Variants in TSHZ2 observed in about 807,000 individuals in gnomAD.
TSHZ2 encodes teashirt zinc finger homeobox 2, also known as teashirt homolog 2.
In TSHZ2, 21 loss-of-function variants were observed where a neutral mutation model predicts 74.4. The ratio of observed to expected loss-of-function variants is 0.28; its 90% CI spans 0.20 to 0.41. The LOEUF (loss-of-function observed/expected upper bound fraction) is 0.41. TSHZ2 is among the 10% of genes least tolerant of loss of function. The probability of loss-of-function intolerance (pLI) is 1.00; values close to 1 mark genes in which losing one functional copy is unlikely to be tolerated. For missense variants in TSHZ2, 1,244 were observed against 1,293.5 expected (o/e 0.96, Z 0.59); for synonymous variants, 540 against 515.3 (o/e 1.05, Z -0.65).
intron 2 of TSHZ2, among the ~76,000 whole-genome samples, chr20:53,361,751 A>AGTC (rs1981061398): frequency 6.6e-6 from 1 of 152,320 alleles, no homozygotes; most frequent in African/African-American, 2.4e-5. Flanking sequence ...TGCACAAGAC[A>AGTC]GTCCCACACC....
In TSHZ2 at chr20:53,145,597, G is replaced by C. The variant is rs1026538958; in HGVS notation, c.41-107902G>C. Among the ~76,000 whole-genome samples, 18 of 152,320 alleles carry C rather than the reference G, an allele frequency of 1.2e-4. No individual in the cohort carries two copies. The South Asian group carries it at 1.5e-3, about 12-fold the overall frequency. ...CCTTGTGCTGGGGAATTCTAGAAGA[G>C]AGTGTAGAACACACACCTCAGAGTT... On this transcript the variant is annotated intron_variant, in intron 1 of 2. Coordinates refer to ENST00000371497, the MANE Select transcript of TSHZ2 (RefSeq NM_173485.6).
intron 2 of TSHZ2, among the ~76,000 whole-genome samples, chr20:53,463,849 C>T (rs1001401587): frequency 1.3e-5 from 2 of 152,222 alleles, no homozygotes; most frequent in African/African-American, 4.8e-5. Flanking sequence ...AGTTGCTTAA[C>T]ATCTCTGAGC....
At chr20:53,151,090 C>A (rs1382246980) in intron 1 of TSHZ2, among the ~76,000 whole-genome samples, 1 of 152,178 alleles carries the variant, frequency 6.6e-6, no homozygotes, top group Non-Finnish European at 1.5e-5. Flanking sequence ...TCATATCACG[C>A]TCTCTTGACA....
intron 1 of TSHZ2, among the ~76,000 whole-genome samples, chr20:52,992,439 C>T (rs970905412): frequency 3.9e-5 from 6 of 152,300 alleles, no homozygotes; most frequent in Admixed American, 1.3e-4. Flanking sequence ...GGCTAGCAAT[C>T]GTAAGAAAAC....
intron 1 of TSHZ2, among the ~76,000 whole-genome samples, chr20:53,062,246 A>G (rs911071266): frequency 6.6e-6 from 1 of 152,224 alleles, no homozygotes; most frequent in Admixed American, 6.5e-5. Flanking sequence ...ATGAGGATAA[A>G]ATAAGACAAT....
At chr20:53,087,942 C>T (rs796984807) in intron 1 of TSHZ2, among the ~76,000 whole-genome samples, 3 of 152,284 alleles carry the variant, frequency 2.0e-5, no homozygotes, top group African/African-American at 7.2e-5. Context: ...TAACTCTCTC[C>T]TCCAACCTTT....
At chr20:53,453,963 T>C (rs1484374067) in intron 2 of TSHZ2, among the ~76,000 whole-genome samples, 1 of 152,142 alleles carries the variant, frequency 6.6e-6, no homozygotes, top group African/African-American at 2.4e-5. Flanking sequence ...TTTTTGAAAA[T>C]ATCATGAGAG....
rs76994801 is a variant in TSHZ2, at chr20:52,995,950, G to C, written c.40+22617G>C. ...GTTATTTACTTTCTATCTGATCGTA[G>C]ACAAGTTATTTAACCTTCTAAGCCC... On this transcript the variant is annotated intron_variant, in intron 1 of 2. Coordinates refer to ENST00000371497, the MANE Select transcript of TSHZ2 (RefSeq NM_173485.6). Among the ~76,000 whole-genome samples the C allele has an allele frequency of 5.0e-3, 756 of 152,154 alleles. 7 individuals are homozygous for C. The highest frequency in any genetic ancestry group is 0.018 in the African/African-American group (734 of 41,518).
chr20:53,240,735 A>ATAGAT (rs1990045589), intron 1 of TSHZ2, among the ~76,000 whole-genome samples: 1 of 151,538 alleles, frequency 6.6e-6, no homozygotes, highest in African/African-American at 2.4e-5. Context: ...AGATAGATAG[A>ATAGAT]TAGATAGATA....
At chr20:53,461,748 C>T (rs1307671825) in intron 2 of TSHZ2, among the ~76,000 whole-genome samples, 1 of 152,214 alleles carries the variant, frequency 6.6e-6, no homozygotes, top group African/African-American at 2.4e-5. Context: ...TAAAGTCCTT[C>T]TTCTGGTCTA....
intron 2 of TSHZ2, among the ~76,000 whole-genome samples, chr20:53,359,894 T>C (rs547608684): frequency 6.6e-6 from 1 of 152,330 alleles, no homozygotes; most frequent in East Asian, 1.9e-4. Context: ...TCAGTCTTAT[T>C]AGTGCATTGG....
intron 1 of TSHZ2, among the ~76,000 whole-genome samples, chr20:53,144,487 A>G (rs1193920971): frequency 6.6e-6 from 1 of 152,194 alleles, no homozygotes; most frequent in Non-Finnish European, 1.5e-5. Context: ...TTTTGCAAGG[A>G]GGGTTTCAGT....
At chr20:53,315,164 CTT>C (rs1470262629) in intron 2 of TSHZ2, among the ~76,000 whole-genome samples, 1 of 152,214 alleles carries the variant, frequency 6.6e-6, no homozygotes, top group Non-Finnish European at 1.5e-5. Context: ...TCGCTACACT[CTT>C]AAGACATCTT....
At chr20:53,429,780 AGCTTT>A (rs1007406123) in intron 2 of TSHZ2, among the ~76,000 whole-genome samples, 11 of 151,854 alleles carry the variant, frequency 7.2e-5, no homozygotes, top group Non-Finnish European at 1.0e-4. Flanking sequence ...TACTTGGGTG[AGCTTT>A]TCTATGGTTA....
intron 1 of TSHZ2, among the ~76,000 whole-genome samples, chr20:53,172,802 C>G (rs1988232214): frequency 6.6e-6 from 1 of 152,214 alleles, no homozygotes; most frequent in Non-Finnish European, 1.5e-5. Context: ...ACTTGATATT[C>G]CATTCGGTCC....
At chr20:53,375,176 TAGG>T (rs1981617487) in intron 2 of TSHZ2, among the ~76,000 whole-genome samples, 1 of 152,096 alleles carries the variant, frequency 6.6e-6, no homozygotes, top group Non-Finnish European at 1.5e-5. Context: ...TTTAAATCAT[TAGG>T]AGAATAATAA....
rs1420226136 is a variant in TSHZ2 at position 53,489,565 on chromosome 20, T to TAGG, written c.*2430_*2431insAGG. On this transcript the variant is annotated 3_prime_UTR_variant, in exon 3 of 3. Coordinates refer to ENST00000371497, the MANE Select transcript of TSHZ2 (RefSeq NM_173485.6). ...AATGGGGGGAGGAGATCAATACAATTCCCAATTCCATGGAAATTGTTTCCC... is the reference window on the plus strand; with the variant it reads ...AATGGGGGGAGGAGATCAATACAATTAGGCCCAATTCCATGGAAATTGTTTCCC... The TAGG allele has an allele frequency of 1.2e-5, 2 of 164,408 alleles. No individual in the cohort carries two copies. Among genetic ancestry groups the TAGG allele is most frequent in the Non-Finnish European group, 1.3e-5 (1 of 75,454 alleles). The allele number at this position is 164,408 out of a possible 1,614,324, so 10.2% of individuals were successfully genotyped here. A position where few individuals can be genotyped will look rare whatever the true frequency, so the allele number is the denominator to read the frequency against.
chr20:53,437,477 G>GAAAGAAAAGA (rs113738835), intron 2 of TSHZ2, among the ~76,000 whole-genome samples: 6 of 151,742 alleles, frequency 4.0e-5, no homozygotes, highest in African/African-American at 1.2e-4. Context: ...CATCTAAAAG[G>GAAAGAAAAGA]AAAGAAAAGA....
At chr20:53,053,223 C>T (rs1984533689) in intron 1 of TSHZ2, among the ~76,000 whole-genome samples, 1 of 152,212 alleles carries the variant, frequency 6.6e-6, no homozygotes, top group Admixed American at 6.5e-5. Context: ...GCACTTCATT[C>T]AATTTTATTA....
Sources: allele counts gnomAD v4.1 joint callset (sites outside exome capture counted in the v4.1 genomes callset), GRCh38; gene constraint gnomAD v4.1.1; transcripts MANE v1.5; gene names NCBI Gene and HGNC (gene_info 2026-07-23, HGNC 2026-07-21).